HEATR5A: variants seen among roughly 807,000 people sequenced by gnomAD.
The protein encoded by HEATR5A is HEAT repeat containing 5A, also known as HEAT repeat-containing protein 5A.
In HEATR5A, 178 loss-of-function variants were observed where a neutral mutation model predicts 218.8. The ratio of observed to expected loss-of-function variants is 0.81; its 90% confidence interval spans 0.72 to 0.92. The LOEUF (loss-of-function observed/expected upper bound fraction) is 0.92, where lower values mean the gene tolerates loss of function less well. Ranked by LOEUF, HEATR5A falls within the 40% of genes least tolerant of loss-of-function variation. The pLI is 0.00. For missense variants in HEATR5A, 2,420 were observed against 2,418.9 expected (o/e 1.00, Z -0.01); for synonymous variants, 864 against 871.6 (o/e 0.99, Z 0.15).
intron 28 of HEATR5A, among the ~76,000 whole-genome samples, chr14:31,311,015 TAAAAAC>T (rs1899730295): frequency 4.4e-5 from 6 of 136,588 alleles, no homozygotes; most frequent in Non-Finnish European, 9.3e-5. Context: ...ACCCTGTCTC[TAAAAAC>T]CAACCAACCA....
chr14:31,359,729 C>CAGAA (rs1901554362), intron 14 of HEATR5A, among the ~76,000 whole-genome samples: 1 of 32,198 alleles, frequency 3.1e-5, no homozygotes, highest in Non-Finnish European at 7.6e-5. Context: ...CATCTCAAGA[C>CAGAA]AAAAAAAAAA....
chr14:31,338,158 G>A (rs980586537), intron 21 of HEATR5A, among the ~76,000 whole-genome samples: 6 of 152,070 alleles, frequency 3.9e-5, no homozygotes, highest in African/African-American at 1.2e-4. Flanking sequence ...TAGTTTCCTC[G>A]TTTGTAACAC....
chr14:31,337,099 A>C (rs1259010423), intron 22 of HEATR5A, among the ~76,000 whole-genome samples: 29 of 152,222 alleles, frequency 1.9e-4, no homozygotes, highest in Admixed American at 1.9e-3. Flanking sequence ...TTGTATGTGC[A>C]GTCTGTTGTT....
chr14:31,361,154 T>C (rs1228515937), intron 14 of HEATR5A, among the ~76,000 whole-genome samples: 1 of 152,162 alleles, frequency 6.6e-6, no homozygotes, highest in Non-Finnish European at 1.5e-5. Context: ...GCTCCAGAAT[T>C]TGAGCTTTTA....
intron 1 of HEATR5A, among the ~76,000 whole-genome samples, chr14:31,412,540 A>C (rs927100049): frequency 1.3e-5 from 2 of 151,542 alleles, no homozygotes; most frequent in African/African-American, 2.4e-5. Context: ...AAAGAAGACA[A>C]ATATATGATG....
intron 25 of HEATR5A, among the ~76,000 whole-genome samples, chr14:31,319,112 AATT>A (rs1187514172): frequency 3.9e-5 from 6 of 152,298 alleles, no homozygotes; most frequent in African/African-American, 1.4e-4. Context: ...AACTCCTCTT[AATT>A]AAGTTGAATT....
chr14:31,355,332 G>C (rs190779419), intron 16 of HEATR5A, among the ~76,000 whole-genome samples: 2 of 152,226 alleles, frequency 1.3e-5, no homozygotes, highest in Non-Finnish European at 2.9e-5. Context: ...AGAATCACTT[G>C]AACCTGGGAG....
Position 31,318,254 on chromosome 14 carries a change from T to A in HEATR5A, c.4008A>T (p.Thr1336=). The change falls in exon 26 of 36, where the codon ACA becomes ACT. Residue 1336 remains threonine, a synonymous_variant. Coordinates refer to ENST00000543095, the MANE Select transcript of HEATR5A (RefSeq NM_015473.4). ...AALRPAFTSE[T]PPDVTAKACQ... ...ATGCTTTGGCAGTGACATCAGGTGGTGTCTCTGAAGTGAAGGCTGGTCTAA... is the reference window on the plus strand; with the variant it reads ...ATGCTTTGGCAGTGACATCAGGTGGAGTCTCTGAAGTGAAGGCTGGTCTAA... 6.2e-7 allele frequency: 1 copy of A among 1,613,894 alleles called. No individual in the cohort carries two copies. The highest frequency in any genetic ancestry group is 2.2e-5 in the East Asian group (1 of 44,886).
chr14:31,332,215 T>C (rs1011658858), intron 22 of HEATR5A, among the ~76,000 whole-genome samples: 5 of 152,204 alleles, frequency 3.3e-5, no homozygotes, highest in Non-Finnish European at 7.3e-5. Flanking sequence ...TGATCTTTGA[T>C]TGGTGATCTT....
chr14:31,331,218 G>C (rs76858829), intron 22 of HEATR5A, among the ~76,000 whole-genome samples: 1 of 152,118 alleles, frequency 6.6e-6, no homozygotes, highest in East Asian at 1.9e-4. Context: ...GGGACTACAG[G>C]CATGAGCCAC....
chr14:31,332,718 G>C (rs561459240), intron 22 of HEATR5A, among the ~76,000 whole-genome samples: 9 of 152,190 alleles, frequency 5.9e-5, no homozygotes, highest in African/African-American at 1.9e-4. Context: ...TTCAAATCAG[G>C]CTCAGGCCTG....
At chr14:31,406,847 T>A (rs2031079498) in intron 1 of HEATR5A, among the ~76,000 whole-genome samples, 1 of 151,924 alleles carries the variant, frequency 6.6e-6, no homozygotes, top group African/African-American at 2.4e-5. Flanking sequence ...TATTCCCCGT[T>A]ACTCGGGAGG....
Position 31,296,018 on chromosome 14 carries a change from G to A in HEATR5A, c.5510C>T (p.Ala1837Val). 6.2e-7 allele frequency: 1 copy of A among 1,612,954 alleles called. No individual in the cohort carries two copies. Among genetic ancestry groups the A allele is most frequent in the Non-Finnish European group, 8.5e-7 (1 of 1,179,026 alleles). Residue 1837 changes from alanine (A) to valine (V), a missense_variant, in exon 34 of 36, where the codon GCT becomes GTT. Coordinates refer to ENST00000543095, the MANE Select transcript of HEATR5A (RefSeq NM_015473.4). ...GGTAGACAAAATAAACACTGTGATA[G>A]CAGTAAGTAGACTGACTTCATCAAG... is the stretch of plus-strand genomic sequence containing the variant. ...QELDEVSLLT[A>V]ITVFILSTSP...
chr14:31,388,431 A>C (rs1044247741), intron 7 of HEATR5A, among the ~76,000 whole-genome samples: 1 of 152,246 alleles, frequency 6.6e-6, no homozygotes, highest in Non-Finnish European at 1.5e-5. Flanking sequence ...AGTAAACTAC[A>C]TGCTGTACTC....
chr14:31,384,413 C>G (rs2030120974), intron 9 of HEATR5A, among the ~76,000 whole-genome samples: 1 of 150,122 alleles, frequency 6.7e-6, no homozygotes, highest in African/African-American at 2.5e-5. Context: ...CACTGTACTC[C>G]AACGTGGGTG....
intron 8 of HEATR5A, 46 bp from the exon 9 acceptor site, chr14:31,386,621 A>C: frequency 6.7e-7 from 1 of 1,501,288 alleles, no homozygotes; most frequent in East Asian, 2.3e-5. Flanking sequence ...CTGTATTAAA[A>C]TATATTGAAA....
At chr14:31,328,833 T>G (rs1421246835) in intron 22 of HEATR5A, among the ~76,000 whole-genome samples, 1 of 150,982 alleles carries the variant, frequency 6.6e-6, no homozygotes, top group African/African-American at 2.4e-5. Flanking sequence ...TAGGCCAAGG[T>G]TGCACCATTG....
chr14:31,307,475 A>G (rs1049214167), intron 30 of HEATR5A, among the ~76,000 whole-genome samples: 1 of 152,240 alleles, frequency 6.6e-6, no homozygotes, highest in African/African-American at 2.4e-5. Context: ...GGGAGAACTT[A>G]GCCAACAGGA....
At chr14:31,381,243 A>T (rs2029969664) in intron 10 of HEATR5A, among the ~76,000 whole-genome samples, 1 of 148,680 alleles carries the variant, frequency 6.7e-6, no homozygotes, top group Non-Finnish European at 1.5e-5. Flanking sequence ...AGTGAGACTC[A>T]GTCTCAACAA....
Sources: allele counts gnomAD v4.1 joint callset (sites outside exome capture counted in the v4.1 genomes callset), GRCh38; gene constraint gnomAD v4.1.1; transcripts MANE v1.5; gene names NCBI Gene and HGNC (gene_info 2026-07-23, HGNC 2026-07-21).